The following ZNF251 variants were observed in gnomAD, a reference collection of about 807,000 sequenced individuals.
ZNF251 encodes the protein zinc finger protein 251.
ZNF251 carries 14 observed loss-of-function variants against 13.5 expected under a neutral mutation model. That is an observed-to-expected ratio of 1.04 (90% confidence interval 0.69 to 1.63). The LOEUF is 1.63. ZNF251 is among the 40% of genes most tolerant of loss of function. The pLI, the probability that ZNF251 is intolerant of heterozygous loss-of-function variation, is 0.00. For missense variants in ZNF251, 764 were observed against 834.9 expected (o/e 0.92, Z 1.05); for synonymous variants, 287 against 295.2 (o/e 0.97, Z 0.28).
rs573526505 is a variant in ZNF251 at position 144,734,108 on chromosome 8, G to T, written c.278-10726C>A. Among the ~76,000 whole-genome samples the T allele has an allele frequency of 5.3e-5, 8 of 152,266 alleles. No individual in the cohort carries two copies. In the East Asian group the frequency reaches 1.4e-3, roughly 26 times the overall value. ...TTTCCGAAATCCTGACCCAGGAGGC[G>T]CCCACTCAGACCACAGTCCCTCTGT... On this transcript the variant is annotated intron_variant, in intron 4 of 4. Transcript: ENST00000292562. The surrounding 1 kb of genome is among the most constrained non-coding windows in gnomAD (Gnocchi z 4.4).
chr8:144,744,194 T>C lies in ZNF251; in HGVS notation c.277+9489A>G, dbSNP rs148540050. ...ACCCAGCTGGTTTTTGTATTTTTAG[T>C]AGAGATGGGGTTTCACCATGTTGGC... On this transcript the variant is annotated intron_variant, in intron 4 of 4. Transcript: ENST00000292562. 2.6e-3 allele frequency among the ~76,000 whole-genome samples: 400 copies of C among 152,072 alleles called. 3 individuals are homozygous for C. The East Asian group carries it at 0.032, about 12-fold the overall frequency.
intron 4 of ZNF251, among the ~76,000 whole-genome samples, chr8:144,744,572 G>C (rs1824327856): frequency 6.6e-6 from 1 of 152,184 alleles, no homozygotes; most frequent in South Asian, 2.1e-4. Context: ...ATTCGAGTTA[G>C]ATGAGGTCAT....
intron 4 of ZNF251, among the ~76,000 whole-genome samples, chr8:144,735,723 T>A (rs992493222): frequency 6.6e-6 from 1 of 151,908 alleles, no homozygotes; most frequent in African/African-American, 2.4e-5. Flanking sequence ...CACTGTAGAG[T>A]GGCCCTGGAG....
At position 144,754,266 on chromosome 8, in the gene ZNF251, C is replaced by T. The variant is rs772860130; in HGVS notation, c.89G>A (p.Arg30Gln). The T allele has an allele frequency of 4.3e-6, 7 of 1,613,516 alleles. No individual in the cohort carries two copies. Among genetic ancestry groups the T allele is most frequent in the African/African-American group, 4.0e-5 (3 of 74,942 alleles). The change falls in exon 3 of 5, where the codon CGG becomes CAG. Residue 30 changes from arginine to glutamine, a missense_variant. Physicochemically the swap from Arg to Gln is conservative, Grantham distance 43. Transcript: ENST00000292562. ...CGCCCGCTGCTGGGGGCCCAGCTGCCGCCCCTCCGCCTGAGAGAAGTACAC... is the reference window on the plus strand; with the variant it reads ...CGCCCGCTGCTGGGGGCCCAGCTGCTGCCCCTCCGCCTGAGAGAAGTACAC... ...VAVYFSQAEG[R>Q]QLGPQQRALY...
At chr8:144,729,359 T>C (rs570038903) in intron 4 of ZNF251, among the ~76,000 whole-genome samples, 5,707 of 146,828 alleles carry the variant, frequency 0.039, 181 homozygotes, top group Non-Finnish European at 0.058. Context: ...TTTTGTGAGA[T>C]AGAGTCTTGC....
At chr8:144,744,231 C>T (rs532993715) in intron 4 of ZNF251, among the ~76,000 whole-genome samples, 2 of 152,068 alleles carry the variant, frequency 1.3e-5, no homozygotes, top group South Asian at 2.1e-4. Flanking sequence ...AGGCTGGTCT[C>T]GAACTCCTGA....
At chr8:144,730,972 C>T (rs1823676852) in intron 4 of ZNF251, among the ~76,000 whole-genome samples, 1 of 152,196 alleles carries the variant, frequency 6.6e-6, no homozygotes, top group Non-Finnish European at 1.5e-5. Flanking sequence ...ACAGCAGCAC[C>T]TTGGGCACTG....
chr8:144,737,402 G>C (rs2129985957), intron 4 of ZNF251, among the ~76,000 whole-genome samples: 1 of 152,232 alleles, frequency 6.6e-6, no homozygotes, highest in South Asian at 2.1e-4. Context: ...AGCTACTCGG[G>C]AGGCTGAGGC....
chr8:144,739,639 C>T (rs969381728), intron 4 of ZNF251, among the ~76,000 whole-genome samples: 5 of 152,342 alleles, frequency 3.3e-5, no homozygotes, highest in Middle Eastern at 3.4e-3. Context: ...TATTTTGATG[C>T]TGTAATCCCA....
At chr8:144,746,925 G>A (rs1004447862) in intron 4 of ZNF251, among the ~76,000 whole-genome samples, 2 of 152,016 alleles carry the variant, frequency 1.3e-5, no homozygotes, top group Non-Finnish European at 2.9e-5. Context: ...TTCTGGTTTC[G>A]TTGATTTTCT....
At chr8:144,746,000 G>C (rs1563768197) in intron 4 of ZNF251, among the ~76,000 whole-genome samples, 2 of 152,106 alleles carry the variant, frequency 1.3e-5, no homozygotes, top group South Asian at 2.1e-4. Flanking sequence ...TTTCCTCACA[G>C]ATTTTGTACA....
At chr8:144,727,635 G>C (rs1199499651) in intron 4 of ZNF251, among the ~76,000 whole-genome samples, 1 of 152,136 alleles carries the variant, frequency 6.6e-6, no homozygotes, top group Non-Finnish European at 1.5e-5. Context: ...GAGAGTTGGG[G>C]CCTTGCTCTT....
chr8:144,724,340 C>T (rs943600127), intron 4 of ZNF251, among the ~76,000 whole-genome samples: 14 of 150,590 alleles, frequency 9.3e-5, no homozygotes, highest in Non-Finnish European at 1.3e-4. Context: ...AAATAAATGA[C>T]CTTTTTTTGA....
intron 4 of ZNF251, among the ~76,000 whole-genome samples, chr8:144,741,197 T>C (rs1824149280): frequency 6.6e-6 from 1 of 152,084 alleles, no homozygotes; most frequent in Non-Finnish European, 1.5e-5. Context: ...CATCTGTGAG[T>C]GGGGCCAATA....
chr8:144,743,987 C>T (rs1824289806), intron 4 of ZNF251, among the ~76,000 whole-genome samples: 1 of 147,246 alleles, frequency 6.8e-6, no homozygotes, highest in African/African-American at 2.5e-5. Flanking sequence ...AATCTATGGA[C>T]TGTTTCTCAT....
chr8:144,737,581 C>A (rs1823953858), intron 4 of ZNF251, among the ~76,000 whole-genome samples: 1 of 151,842 alleles, frequency 6.6e-6, no homozygotes, highest in Admixed American at 6.6e-5. Flanking sequence ...GTAATCCCAG[C>A]ACTTTGGTTG....
At chr8:144,729,572 G>A (rs1478755551) in intron 4 of ZNF251, among the ~76,000 whole-genome samples, 4 of 151,990 alleles carry the variant, frequency 2.6e-5, no homozygotes, top group Non-Finnish European at 5.9e-5. Flanking sequence ...TCCTGACCTC[G>A]CCATCCACCC....
rs374154554 is a variant in ZNF251 at position 144,723,329 on chromosome 8, C to T, written c.331G>A (p.Glu111Lys). ...ELSILNQKFS[E>K]EVKTPEFVSR... ...ACAAATTCTGGGGTTTTTACTTCTT[C>T]GGAAAATTTTTGGTTTAAAATAGAT... The change falls in exon 5 of 5, where the codon GAA becomes AAA. Residue 111 changes from glutamate (E) to lysine (K), a missense_variant. Physicochemically the swap from Glu to Lys is moderately conservative, Grantham distance 56. Coordinates refer to ENST00000292562, the MANE Select transcript of ZNF251 (RefSeq NM_138367.2). 126 of 1,541,774 alleles carry T rather than the reference C, an allele frequency of 8.2e-5. No individual in the cohort carries two copies. Among genetic ancestry groups the T allele is most frequent in the African/African-American group, 1.5e-4 (11 of 71,808 alleles).
chr8:144,735,804 CG>C (rs1350790925), intron 4 of ZNF251, among the ~76,000 whole-genome samples: 1 of 152,142 alleles, frequency 6.6e-6, no homozygotes, highest in Non-Finnish European at 1.5e-5. Flanking sequence ...ATGCCACTGC[CG>C]GGGTACCATG....
Sources: allele counts gnomAD v4.1 joint callset (sites outside exome capture counted in the v4.1 genomes callset), GRCh38; gene constraint gnomAD v4.1.1; non-coding constraint Gnocchi (gnomAD v3.1); transcripts MANE v1.5; gene names NCBI Gene and HGNC (gene_info 2026-07-23, HGNC 2026-07-21).